WDR7: variants seen among roughly 807,000 people sequenced by gnomAD.
The protein encoded by WDR7 is WD repeat domain 7, also known as WD repeat-containing protein 7.
WDR7 carries 46 observed loss-of-function variants against 169.4 expected under a neutral mutation model. The ratio of observed to expected loss-of-function variants is 0.27; its 90% confidence interval spans 0.21 to 0.35. WDR7 has a LOEUF of 0.35. Ranked by LOEUF, WDR7 falls within the 10% of genes least tolerant of loss-of-function variation. The probability of loss-of-function intolerance (pLI) is 1.00; values close to 1 mark genes in which losing one functional copy is unlikely to be tolerated. For synonymous variants in WDR7, 612 were observed against 666.8 expected (o/e 0.92, Z 1.27); for missense variants, 1,534 against 1,859.3 (o/e 0.83, Z 3.22).
chr18:56,864,775 T>G (rs1185116144), intron 20 of WDR7, among the ~76,000 whole-genome samples: 3 of 151,920 alleles, frequency 2.0e-5, no homozygotes, highest in Non-Finnish European at 4.4e-5. Flanking sequence ...AAGGAAGCAT[T>G]ATTTTAAAAT....
chr18:56,855,615 C>G (rs1055065626), intron 20 of WDR7, among the ~76,000 whole-genome samples: 1 of 152,022 alleles, frequency 6.6e-6, no homozygotes, highest in Non-Finnish European at 1.5e-5. Context: ...ATGATATATG[C>G]ATATCTGGAC....
intron 1 of WDR7, among the ~76,000 whole-genome samples, chr18:56,667,885 C>A (rs1167114998): frequency 6.6e-6 from 1 of 152,144 alleles, no homozygotes; most frequent in Admixed American, 6.5e-5. Flanking sequence ...AGATGTTGTG[C>A]TAAGCATCAT....
chr18:56,666,201 CT>C (rs71169386), intron 1 of WDR7, among the ~76,000 whole-genome samples: 4 of 101,016 alleles, frequency 4.0e-5, no homozygotes, highest in African/African-American at 7.3e-5. Context: ...ATTCCTTCGT[CT>C]TTTTTTTTTT....
intron 26 of WDR7, among the ~76,000 whole-genome samples, chr18:56,991,468 C>T (rs1245519852): frequency 6.6e-6 from 1 of 152,100 alleles, no homozygotes; most frequent in African/African-American, 2.4e-5. Flanking sequence ...ATTGGAGAAA[C>T]TGGCCAAATG....
intron 19 of WDR7, among the ~76,000 whole-genome samples, chr18:56,810,296 A>G: frequency 6.6e-6 from 1 of 152,110 alleles, no homozygotes; most frequent in East Asian, 1.9e-4. Flanking sequence ...TGAGTGTGGT[A>G]ATTTGGGCTG....
intron 26 of WDR7, among the ~76,000 whole-genome samples, chr18:56,982,371 A>C (rs2047659035): frequency 6.6e-6 from 1 of 152,186 alleles, no homozygotes; most frequent in South Asian, 2.1e-4. Context: ...CTTCCTTTTC[A>C]TATTAGCAAA....
intron 13 of WDR7, among the ~76,000 whole-genome samples, chr18:56,725,824 T>C (rs2026436948): frequency 6.6e-6 from 1 of 152,194 alleles, no homozygotes; most frequent in Non-Finnish European, 1.5e-5. Flanking sequence ...CTTGAATTAA[T>C]TTTTGTATAA....
intron 26 of WDR7, among the ~76,000 whole-genome samples, chr18:56,984,550 T>G (rs905784577): frequency 6.6e-6 from 1 of 152,164 alleles, no homozygotes; most frequent in African/African-American, 2.4e-5. Context: ...TCTCCCAAAC[T>G]GGAATGTTTT....
At chr18:56,886,525 T>C (rs1227958303) in intron 21 of WDR7, among the ~76,000 whole-genome samples, 2 of 152,076 alleles carry the variant, frequency 1.3e-5, no homozygotes, top group Non-Finnish European at 2.9e-5. Context: ...AAATAGAACC[T>C]CCTGAAAACA....
At chr18:56,763,486 A>G (rs2044013057) in intron 16 of WDR7, among the ~76,000 whole-genome samples, 2 of 152,250 alleles carry the variant, frequency 1.3e-5, no homozygotes, top group Admixed American at 6.5e-5. Flanking sequence ...TTTGTTAGGT[A>G]CAATTTGCTA....
rs74986641 is a variant in WDR7, at chr18:56,932,343, A to G, written c.3714-3445A>G. 7.3e-3 allele frequency among the ~76,000 whole-genome samples: 1,109 copies of G among 152,234 alleles called. 40 individuals carry two copies. The East Asian group carries it at 0.12, about 16-fold the overall frequency. The stretch of plus-strand genomic sequence containing the variant: ...TGAACTCAGTGGGCAATAGGTTCAC[A>G]TGTCTTTGATTCACTTCCTTCCCCC... On this transcript the variant is annotated intron_variant, in intron 22 of 27. Transcript: ENST00000254442.
intron 25 of WDR7, chr18:56,957,121 T>C (rs764011710): frequency 6.6e-6 from 1 of 152,116 alleles, no homozygotes; most frequent in Non-Finnish European, 1.5e-5. Context: ...AATAATATAA[T>C]GCACATACGC....
chr18:56,673,751 A>C (rs2025185471), intron 2 of WDR7, among the ~76,000 whole-genome samples: 1 of 151,334 alleles, frequency 6.6e-6, no homozygotes, highest in African/African-American at 2.4e-5. Context: ...GGAAAAAATC[A>C]CCTGAGCCCA....
At chr18:56,795,651 A>T (rs11872372) in intron 19 of WDR7, among the ~76,000 whole-genome samples, 11,416 of 152,172 alleles carry the variant, frequency 0.075, 1,055 homozygotes, top group African/African-American at 0.22. Context: ...ACCAAAAATA[A>T]TGTGTGGATG....
chr18:56,830,964 T>A (rs894153209), intron 20 of WDR7, among the ~76,000 whole-genome samples: 1 of 152,154 alleles, frequency 6.6e-6, no homozygotes, highest in Admixed American at 6.6e-5. Context: ...TTTACTGATA[T>A]GCAGGATGTG....
chr18:56,852,990 T>C (rs1357902456), intron 20 of WDR7, among the ~76,000 whole-genome samples: 1 of 152,198 alleles, frequency 6.6e-6, no homozygotes, highest in East Asian at 1.9e-4. Flanking sequence ...TTTAGGTTTA[T>C]TGAATCATTA....
At chr18:57,008,003 G>A (rs2048088884) in intron 26 of WDR7, among the ~76,000 whole-genome samples, 2 of 152,088 alleles carry the variant, frequency 1.3e-5, no homozygotes, top group African/African-American at 4.8e-5. Flanking sequence ...TCATAAACCT[G>A]TTCCTAAGCT....
chr18:56,766,576 G>T (rs538097214), intron 16 of WDR7, among the ~76,000 whole-genome samples: 1 of 151,976 alleles, frequency 6.6e-6, no homozygotes, highest in South Asian at 2.1e-4. Flanking sequence ...TTTTTATAGA[G>T]ACAGTGTCTC....
At chr18:56,772,208 G>C (rs1183355803) in intron 16 of WDR7, among the ~76,000 whole-genome samples, 1 of 151,022 alleles carries the variant, frequency 6.6e-6, no homozygotes, top group Non-Finnish European at 1.5e-5. Flanking sequence ...TTACTATATA[G>C]AGTACCTTTT....
Sources: allele counts gnomAD v4.1 joint callset (sites outside exome capture counted in the v4.1 genomes callset), GRCh38; gene constraint gnomAD v4.1.1; transcripts MANE v1.5; gene names NCBI Gene and HGNC (gene_info 2026-07-23, HGNC 2026-07-21).